The following ZC3H3 variants were observed in gnomAD, a reference collection of about 807,000 sequenced individuals.
ZC3H3 encodes zinc finger CCCH-type containing 3.
In ZC3H3, 36 loss-of-function variants were observed where a neutral mutation model predicts 77.3. The ratio of observed to expected loss-of-function variants is 0.47; its 90% CI spans 0.36 to 0.61. The LOEUF (loss-of-function observed/expected upper bound fraction) is 0.61, where lower values mean the gene tolerates loss of function less well. Ranked by LOEUF, ZC3H3 falls within the 20% of genes least tolerant of loss-of-function variation. The pLI is 0.00. For missense variants in ZC3H3, 1,331 were observed against 1,312.2 expected (o/e 1.01, Z -0.22); for synonymous variants, 626 against 555.2 (o/e 1.13, Z -1.79).
intron 3 of ZC3H3, among the ~76,000 whole-genome samples, chr8:143,517,628 C>T (rs1013281718): frequency 6.6e-6 from 1 of 152,172 alleles, no homozygotes; most frequent in African/African-American, 2.4e-5. Context: ...CCAAGCTCTC[C>T]CCACTGGCCT....
rs552145543 is a variant in ZC3H3 at position 143,516,841 on chromosome 8, G to C, written c.1562-8942C>G. ...GATTCATCTTTGACAAACATTTACG[G>C]ATTATCAAATCACAACGGCAGCCCG... is the stretch of plus-strand genomic sequence containing the variant. On this transcript the variant is annotated intron_variant, in intron 3 of 11. Coordinates refer to ENST00000262577, the MANE Select transcript of ZC3H3 (RefSeq NM_015117.3). 1.6e-4 allele frequency among the ~76,000 whole-genome samples: 24 copies of C among 152,328 alleles called. 1 individual carries two copies. Among genetic ancestry groups the C allele is most frequent in the Admixed American group, 1.3e-3 (20 of 15,302 alleles).
chr8:143,540,853 G>A (rs570190092), intron 1 of ZC3H3, among the ~76,000 whole-genome samples: 3 of 152,296 alleles, frequency 2.0e-5, no homozygotes, highest in Admixed American at 2.0e-4. Flanking sequence ...GTACTCCGGA[G>A]GCTGAGGCAG....
chr8:143,474,139 A>G (rs1820657456), intron 5 of ZC3H3, among the ~76,000 whole-genome samples: 2 of 152,000 alleles, frequency 1.3e-5, no homozygotes. Flanking sequence ...ATGAGACCAC[A>G]CGCACAAATC....
chr8:143,515,326 C>A (rs1219004779), intron 3 of ZC3H3, among the ~76,000 whole-genome samples: 1 of 152,246 alleles, frequency 6.6e-6, no homozygotes, highest in Non-Finnish European at 1.5e-5. Flanking sequence ...GCCAGCCAGG[C>A]AGGTCATCGG....
chr8:143,464,415 G>C (rs1273485358), intron 9 of ZC3H3, among the ~76,000 whole-genome samples: 1 of 152,232 alleles, frequency 6.6e-6, no homozygotes, highest in Non-Finnish European at 1.5e-5. Context: ...TGGGGAGCCC[G>C]GCCTGGCCAA....
At chr8:143,514,726 T>A (rs1321497968) in intron 3 of ZC3H3, among the ~76,000 whole-genome samples, 2 of 152,186 alleles carry the variant, frequency 1.3e-5, no homozygotes, top group African/African-American at 4.8e-5. Flanking sequence ...GCTCACCGCC[T>A]GGACGTTCAC....
At position 143,506,087 on chromosome 8, in the gene ZC3H3, C is replaced by T. The variant is rs142283288; in HGVS notation, c.1715+1659G>A. ...CCTCCCGGCCTCCTCAGCCCCAGGG[C>T]ATGGGCACTTGTTTCTGTGCAACAA... On this transcript the variant is annotated intron_variant, in intron 4 of 11. Transcript: ENST00000262577. 8.5e-3 allele frequency among the ~76,000 whole-genome samples: 1,294 copies of T among 152,364 alleles called. 16 individuals are homozygous for T. The highest frequency in any genetic ancestry group is 0.03 in the African/African-American group (1,232 of 41,580).
chr8:143,518,779 T>A (rs1047177686), intron 3 of ZC3H3, among the ~76,000 whole-genome samples: 1 of 152,222 alleles, frequency 6.6e-6, no homozygotes, highest in East Asian at 1.9e-4. Context: ...CTCTGGCACA[T>A]ACAAACGTGC....
chr8:143,540,607 T>C (rs1404204714), intron 1 of ZC3H3, among the ~76,000 whole-genome samples: 3 of 152,168 alleles, frequency 2.0e-5, no homozygotes, highest in Non-Finnish European at 2.9e-5. Flanking sequence ...GCCTGTTCAG[T>C]CTGCGCCTGG....
In ZC3H3 at chr8:143,481,031, C is replaced by G. The variant is rs149200787; in HGVS notation, c.1716-5446G>C. 2.6e-5 allele frequency among the ~76,000 whole-genome samples: 4 copies of G among 152,328 alleles called. No individual in the cohort carries two copies. In the South Asian group the frequency reaches 6.2e-4, roughly 24 times the overall value. ...GCCCAAAAGCTGTATCTTCCGATTG[C>G]CCAGTCCCACAGCACCTTCAGACAC... On this transcript the variant is annotated intron_variant, in intron 4 of 11. Coordinates refer to ENST00000262577, the MANE Select transcript of ZC3H3 (RefSeq NM_015117.3).
Position 143,493,186 on chromosome 8 carries a change from C to G in ZC3H3, c.1715+14560G>C, listed in dbSNP as rs1405783220. Reference sequence around the variant, plus strand: ...GGTCCCGTGTCCTGGCCCAGGGGCTCCCTCCTCAGGGTCCCGTGTCCTGGC... The same window carrying G: ...GGTCCCGTGTCCTGGCCCAGGGGCTGCCTCCTCAGGGTCCCGTGTCCTGGC... On this transcript the variant is annotated intron_variant, in intron 4 of 11. Coordinates refer to ENST00000262577, the MANE Select transcript of ZC3H3 (RefSeq NM_015117.3). The surrounding 1 kb of genome is among the most constrained non-coding windows in gnomAD (Gnocchi z 4.8). Among the ~76,000 whole-genome samples the G allele has an allele frequency of 1.6e-4, 24 of 148,552 alleles. No homozygotes were observed. Among genetic ancestry groups the G allele is most frequent in the Non-Finnish European group, 1.5e-5 (1 of 66,946 alleles).
At chr8:143,482,363 C>G (rs573683087) in intron 4 of ZC3H3, among the ~76,000 whole-genome samples, 2 of 152,358 alleles carry the variant, frequency 1.3e-5, no homozygotes, top group Admixed American at 1.3e-4. Context: ...CTGCTGCACC[C>G]CTGGCCCTGC....
chr8:143,516,010 T>C (rs1056831560), intron 3 of ZC3H3, among the ~76,000 whole-genome samples: 1 of 152,116 alleles, frequency 6.6e-6, no homozygotes, highest in African/African-American at 2.4e-5. Flanking sequence ...GCAGGGAGTG[T>C]GCTGCTGACG....
At chr8:143,527,783 G>A (rs568522438) in intron 3 of ZC3H3, among the ~76,000 whole-genome samples, 1 of 152,238 alleles carries the variant, frequency 6.6e-6, no homozygotes, top group East Asian at 1.9e-4. Context: ...GGTGGGCAAT[G>A]CTGGCCAGCA....
chr8:143,491,072 C>T (rs1444597354), intron 4 of ZC3H3, among the ~76,000 whole-genome samples: 1 of 152,160 alleles, frequency 6.6e-6, no homozygotes, highest in Non-Finnish European at 1.5e-5. Context: ...CAGGAATGTC[C>T]ATGCTTGCCC....
chr8:143,540,091 T>C (rs894746794), intron 1 of ZC3H3, among the ~76,000 whole-genome samples: 10 of 152,260 alleles, frequency 6.6e-5, no homozygotes, highest in African/African-American at 1.9e-4. Context: ...GCAGGTGTGA[T>C]GGGAGCTCAA....
In ZC3H3 at chr8:143,437,663, G is replaced by C. The variant is rs1029417602; in HGVS notation, c.*393C>G. On this transcript the variant is annotated 3_prime_UTR_variant, in exon 12 of 12. Transcript: ENST00000262577. ...CAGTCAGGACAAGCCAACCAGTTAC[G>C]GATAGAACCTTTATTGCTGAACATA... is the stretch of plus-strand genomic sequence containing the variant. 1.4e-5 allele frequency: 4 copies of C among 283,324 alleles called. No individual in the cohort carries two copies. The highest frequency in any genetic ancestry group is 7.4e-5 in the East Asian group (1 of 13,512). 17.6% of individuals were successfully genotyped at this position (283,324 alleles called of 1,614,324 possible). A position where few individuals can be genotyped will look rare whatever the true frequency, so the allele number is the denominator to read the frequency against.
intron 9 of ZC3H3, among the ~76,000 whole-genome samples, chr8:143,465,200 C>G (rs1047688115): frequency 6.6e-6 from 1 of 152,160 alleles, no homozygotes; most frequent in African/African-American, 2.4e-5. Context: ...AGCTCCAGCG[C>G]CAGCTCACTC....
chr8:143,525,149 A>G (rs1822372619), intron 3 of ZC3H3, among the ~76,000 whole-genome samples: 2 of 152,218 alleles, frequency 1.3e-5, no homozygotes, highest in Non-Finnish European at 2.9e-5. Flanking sequence ...GCCCAGACAC[A>G]GCCATGGCAC....
Sources: gnomAD v4.1 joint callset for allele counts (sites outside exome capture counted in the v4.1 genomes callset) on GRCh38, gnomAD v4.1.1 for gene constraint, Gnocchi (gnomAD v3.1) non-coding constraint, MANE v1.5 for transcripts, NCBI Gene and HGNC (gene_info 2026-07-23, HGNC 2026-07-21) for gene names.